The following PCNX2 variants were observed in gnomAD, a reference collection of about 807,000 sequenced individuals.
PCNX2 encodes pecanex-like protein 2.
PCNX2 carries 168 observed loss-of-function variants against 223.8 expected under a neutral mutation model. The observed-to-expected ratio is 0.75, with a 90% CI of 0.66 to 0.85. The LOEUF (loss-of-function observed/expected upper bound fraction) is 0.85, where lower values mean the gene tolerates loss of function less well. Ranked by LOEUF, PCNX2 falls within the 40% of genes least tolerant of loss-of-function variation. The pLI is 0.00. For missense variants in PCNX2, 2,507 were observed against 2,675.5 expected (o/e 0.94, Z 1.39); for synonymous variants, 1,006 against 1,052.6 (o/e 0.96, Z 0.86).
At chr1:233,020,976 T>G (rs1374854224) in intron 26 of PCNX2, among the ~76,000 whole-genome samples, 3 of 152,202 alleles carry the variant, frequency 2.0e-5, no homozygotes, top group Non-Finnish European at 4.4e-5. Context: ...TCTTGAAACT[T>G]TAAGTCATTC....
At chr1:233,094,292 C>G (rs774046338) in intron 22 of PCNX2, among the ~76,000 whole-genome samples, 1 of 152,182 alleles carries the variant, frequency 6.6e-6, no homozygotes, top group Non-Finnish European at 1.5e-5. Context: ...TTTAGAAATA[C>G]GTCAGAAAGA....
intron 21 of PCNX2, among the ~76,000 whole-genome samples, chr1:233,119,940 G>A (rs1675670651): frequency 6.6e-6 from 1 of 151,934 alleles, no homozygotes; most frequent in Admixed American, 6.6e-5. Context: ...GCCGAGGCGG[G>A]TGGATCACCT....
intron 12 of PCNX2, among the ~76,000 whole-genome samples, chr1:233,209,628 T>C (rs1400378834): frequency 6.6e-6 from 1 of 152,236 alleles, no homozygotes; most frequent in Non-Finnish European, 1.5e-5. Flanking sequence ...AAATTGCCAC[T>C]GCTTCTATAA....
chr1:233,263,125 G>A lies in PCNX2; in HGVS notation c.192C>T (p.Cys64=). The A allele has an allele frequency of 1.2e-6, 2 of 1,612,328 alleles. No homozygotes were observed. Among genetic ancestry groups the A allele is most frequent in the African/African-American group, 1.3e-5 (1 of 75,020 alleles). The part of the protein sequence containing the change: ...PPNAIIVFFY[C]SAVTIFFTII... ...TTGTGAAGAATATAGTCACTGCACT[G>A]CAGTAGAAAAATACAATGATCGCAT... is the stretch of plus-strand genomic sequence containing the variant. The change falls in exon 2 of 34, where the codon TGC becomes TGT. Residue 64 remains cysteine, a synonymous_variant. Transcript: ENST00000258229.
At chr1:233,029,998 AT>A (rs949407556) in intron 25 of PCNX2, among the ~76,000 whole-genome samples, 3 of 152,198 alleles carry the variant, frequency 2.0e-5, no homozygotes, top group African/African-American at 7.2e-5. Context: ...GTTAAAAAAA[AT>A]CTGGATAATA....
At chr1:233,292,182 G>A in intron 1 of PCNX2, among the ~76,000 whole-genome samples, 1 of 147,968 alleles carries the variant, frequency 6.8e-6, no homozygotes, top group African/African-American at 2.5e-5. Context: ...TTTCAATAGT[G>A]AAACTTTCTT....
rs548978528 is a variant in PCNX2 at position 233,204,274 on chromosome 1, C to T, written c.2864-4010G>A. ...CCGCCTACAAGCCAAGGAGAACGGC[C>T]TGGAACAGGTCCTTCTTTAATGCTT... On this transcript the variant is annotated intron_variant, in intron 13 of 33. Coordinates refer to ENST00000258229, the MANE Select transcript of PCNX2 (RefSeq NM_014801.4). 1.6e-4 allele frequency among the ~76,000 whole-genome samples: 24 copies of T among 152,272 alleles called. No individual in the cohort carries two copies. In the South Asian group the frequency reaches 5.0e-3, roughly 32 times the overall value.
intron 25 of PCNX2, among the ~76,000 whole-genome samples, chr1:233,038,351 G>A (rs1460971986): frequency 6.6e-6 from 1 of 152,162 alleles, no homozygotes; most frequent in African/African-American, 2.4e-5. Flanking sequence ...ACTCAGAAGA[G>A]TCCTTAGAAT....
the PCNX2 span, among the ~76,000 whole-genome samples, chr1:233,312,767 T>G: frequency 0.019 from 2,943 of 152,114 alleles, 115 homozygotes; most frequent in African/African-American, 0.067. Flanking sequence ...ATCCCCAGAG[T>G]ACAAGGATGG....
chr1:233,316,558 T>TA, the PCNX2 span, among the ~76,000 whole-genome samples: 3,941 of 152,316 alleles, frequency 0.026, 80 homozygotes, highest in Non-Finnish European at 0.036. Context: ...TGCTATTTTT[T>TA]ACTAACACCT....
intron 15 of PCNX2, among the ~76,000 whole-genome samples, chr1:233,191,660 A>G (rs780620410): frequency 1.3e-5 from 2 of 152,212 alleles, no homozygotes; most frequent in Non-Finnish European, 2.9e-5. Flanking sequence ...GGCTGACTCC[A>G]ACTCCTCTCT....
chr1:232,995,327 A>G (rs1399246938), intron 32 of PCNX2, among the ~76,000 whole-genome samples: 2 of 152,304 alleles, frequency 1.3e-5, no homozygotes, highest in East Asian at 3.9e-4. Flanking sequence ...AGGTGTGGCC[A>G]AGGCATGTGG....
At position 232,986,010 on chromosome 1, in the gene PCNX2, A is replaced by G. The variant is rs140124700; in HGVS notation, c.6240+82T>C. On this transcript the variant is annotated intron_variant, in intron 33 of 33. Transcript: ENST00000258229. ...GGGTTCTGCAGGCAGAAGGGTGGGA[A>G]CGCAAGGCAGGTGCCACGCTCAGGC... is the stretch of plus-strand genomic sequence containing the variant. The G allele has an allele frequency of 3.8e-4, 547 of 1,441,152 alleles. 1 individual carries two copies. In the African/African-American group the frequency reaches 6.7e-3, roughly 18 times the overall value. 89.3% of individuals were successfully genotyped at this position (1,441,152 alleles called of 1,614,324 possible). A position where few individuals can be genotyped will look rare whatever the true frequency, so the allele number is the denominator to read the frequency against.
chr1:233,004,489 A>G (rs764309075), intron 28 of PCNX2, among the ~76,000 whole-genome samples: 20 of 150,196 alleles, frequency 1.3e-4, no homozygotes, highest in Non-Finnish European at 2.5e-4. Flanking sequence ...TTTTCTTTCT[A>G]TAAATATTCT....
chr1:233,236,908 G>A lies in PCNX2; in HGVS notation c.2295C>T (p.Val765=). Residue 765 remains valine, a synonymous_variant, in exon 9 of 34, where the codon GTC becomes GTT. Transcript: ENST00000258229. ...SQDPSSGDPA[V]SALQQQLLLM... The stretch of plus-strand genomic sequence containing the variant: ...GTAACAGCTGTTGCTGAAGGGCACT[G>A]ACGGCAGGGTCCCCAGAAGACGGAT... 1 of 1,614,014 alleles carries A rather than the reference G, an allele frequency of 6.2e-7. No homozygotes were observed. Among genetic ancestry groups the A allele is most frequent in the Non-Finnish European group, 8.5e-7 (1 of 1,179,872 alleles).
At chr1:233,322,285 T>C in the PCNX2 span, among the ~76,000 whole-genome samples, 1 of 152,300 alleles carries the variant, frequency 6.6e-6, no homozygotes, top group South Asian at 2.1e-4. Context: ...ATGTCCTTGG[T>C]GGATTGTGCT....
chr1:233,200,383 CTTTTT>C (rs1011802481), intron 13 of PCNX2, 119 bp from the exon 14 acceptor site: 501 of 210,242 alleles, frequency 2.4e-3, no homozygotes, highest in South Asian at 3.8e-3. Context: ...TGGAGGCAAT[CTTTTT>C]TTTTTTTTTT....
chr1:233,259,677 T>C (rs1418169939), intron 4 of PCNX2, among the ~76,000 whole-genome samples: 1 of 152,122 alleles, frequency 6.6e-6, no homozygotes, highest in Non-Finnish European at 1.5e-5. Context: ...CCTGTGTCCA[T>C]GTGTTCTCAT....
chr1:233,141,835 T>C (rs1343092474), intron 19 of PCNX2, among the ~76,000 whole-genome samples: 2 of 151,710 alleles, frequency 1.3e-5, no homozygotes, highest in Non-Finnish European at 2.9e-5. Context: ...GAAATCTTAC[T>C]TGAAAAGAAT....
Sources: allele counts gnomAD v4.1 joint callset (sites outside exome capture counted in the v4.1 genomes callset), GRCh38; gene constraint gnomAD v4.1.1; transcripts MANE v1.5; gene names NCBI Gene and HGNC (gene_info 2026-07-23, HGNC 2026-07-21).